Variants in ETS2 observed in about 807,000 individuals in gnomAD.
ETS2 encodes ETS proto-oncogene 2, transcription factor.
In ETS2, 19 loss-of-function variants were observed where a neutral mutation model predicts 54.9. The ratio of observed to expected loss-of-function variants is 0.35; its 90% CI spans 0.24 to 0.51. The LOEUF (loss-of-function observed/expected upper bound fraction) is 0.51. Among genes scored for constraint, ETS2 ranks in the 20% least tolerant of loss-of-function variants. ETS2 has a pLI of 0.97. For synonymous variants in ETS2, 219 were observed against 229.3 expected (o/e 0.95, Z 0.41); for missense variants, 417 against 593.0 (o/e 0.70, Z 3.08).
intron 6 of ETS2, among the ~76,000 whole-genome samples, chr21:38,817,862 C>T (rs1249672117): frequency 6.6e-6 from 1 of 152,198 alleles, no homozygotes; most frequent in Non-Finnish European, 1.5e-5. Context: ...CTGGGGGCTT[C>T]CTGCTCAGGA....
Position 38,814,715 on chromosome 21 carries a change from C to A in ETS2, c.305-66C>A. On this transcript the variant is annotated intron_variant, in intron 4 of 9. Transcript: ENST00000360938. This position sits in a 1 kb window ranked among gnomAD's most constrained non-coding sequence, Gnocchi z 4.2. ...TACTTGGTGCATAAATTAGGGATGA[C>A]AGTGGTCTCACTACCTTTCCACTGT... The A allele has an allele frequency of 1.4e-6, 2 of 1,396,290 alleles. No individual in the cohort carries two copies. The highest frequency in any genetic ancestry group is 2.0e-6 in the Non-Finnish European group (2 of 988,866). The allele number at this position is 1,396,290 out of a possible 1,614,324, so 86.5% of individuals were successfully genotyped here. A position where few individuals can be genotyped will look rare whatever the true frequency, so the allele number is the denominator to read the frequency against.
chr21:38,820,259 T>C (rs892359328), intron 8 of ETS2, among the ~76,000 whole-genome samples: 3 of 152,246 alleles, frequency 2.0e-5, no homozygotes, highest in African/African-American at 7.2e-5. Context: ...AAACAGGTAT[T>C]TCCAGTACTT....
chr21:38,805,694 C>T (rs1397076037), upstream of ETS2: 3 of 1,138,194 alleles, frequency 2.6e-6, no homozygotes, highest in Non-Finnish European at 1.1e-6. This position sits in a 1 kb window ranked among gnomAD's most constrained non-coding sequence, Gnocchi z 5.2. Flanking sequence ...TCGTGCGTTC[C>T]CTCTCCTCTC....
At position 38,821,723 on chromosome 21, in the gene ETS2, G is replaced by A. The variant is rs747263595; in HGVS notation, c.1194+19G>A. On this transcript the variant is annotated intron_variant, in intron 9 of 9. Transcript: ENST00000360938. The surrounding 1 kb of genome is among the most constrained non-coding windows in gnomAD (Gnocchi z 4.2). Reference sequence around the variant, plus strand: ...CGATGAGGTATGGCCAGAGCCCTGGGAAATCTCTGGGCTTGAAAACCTGAT... The same window carrying A: ...CGATGAGGTATGGCCAGAGCCCTGGAAAATCTCTGGGCTTGAAAACCTGAT... 2.6e-6 allele frequency: 4 copies of A among 1,554,164 alleles called. No homozygotes were observed. The Middle Eastern group carries it at 5.2e-4, about 201-fold the overall frequency.
chr21:38,808,842 G>C (rs1268153284), intron 1 of ETS2, among the ~76,000 whole-genome samples: 1 of 152,222 alleles, frequency 6.6e-6, no homozygotes, highest in African/African-American at 2.4e-5. Context: ...GCTAGGCTTA[G>C]AGCTTTGCCA....
Position 38,810,031 on chromosome 21 carries a change from T to C in ETS2, c.1-4T>C. ...TCTTTGACTTTTTTTTTTTCTTTTT[T>C]AAGATGAATGATTTCGGAATCAAGA... On this transcript the variant is annotated splice_region_variant and splice_polypyrimidine_tract_variant and intron_variant, in intron 1 of 9. Transcript: ENST00000360938. 1 of 1,566,442 alleles carries C rather than the reference T, an allele frequency of 6.4e-7. No individual in the cohort carries two copies. Among genetic ancestry groups the C allele is most frequent in the Non-Finnish European group, 8.6e-7 (1 of 1,161,684 alleles).
rs1056458103 is a variant in ETS2 at position 38,814,687 on chromosome 21, C to T, written c.305-94C>T. On this transcript the variant is annotated intron_variant, in intron 4 of 9. Coordinates refer to ENST00000360938, the MANE Select transcript of ETS2 (RefSeq NM_005239.6). This position sits in a 1 kb window ranked among gnomAD's most constrained non-coding sequence, Gnocchi z 4.2. ...CTCATTCGTGGGTTCTGGTGTATGTCGGTACTTGGTGCATAAATTAGGGAT... is the reference window on the plus strand; with the variant it reads ...CTCATTCGTGGGTTCTGGTGTATGTTGGTACTTGGTGCATAAATTAGGGAT... The T allele has an allele frequency of 8.2e-5, 94 of 1,141,384 alleles. No individual in the cohort carries two copies. Among genetic ancestry groups the T allele is most frequent in the South Asian group, 7.1e-4 (52 of 73,372 alleles). 70.7% of individuals were successfully genotyped at this position (1,141,384 alleles called of 1,614,324 possible).
At chr21:38,812,465 C>T (rs1467924092) in intron 2 of ETS2, among the ~76,000 whole-genome samples, 2 of 152,172 alleles carry the variant, frequency 1.3e-5, no homozygotes, top group African/African-American at 4.8e-5. Flanking sequence ...CCAGTCACTC[C>T]GACTCTGTGA....
chr21:38,813,037 T>C lies in ETS2; in HGVS notation c.107T>C (p.Leu36Pro), dbSNP rs1466435861. The change falls in exon 3 of 10, where the codon CTG (leucine) becomes CCG (proline). Residue 36 changes from leucine (L) to proline (P), a missense_variant. By Grantham distance (98) the Leu-to-Pro change is moderately conservative (BLOSUM62 -3). This residue lies in a region of ETS2 where 326 missense variants were observed against 426.1 expected (regional missense o/e 0.76). Coordinates refer to ENST00000360938, the MANE Select transcript of ETS2 (RefSeq NM_005239.6). ...QPAFDTFDGS[L>P]FAVFPSLNEE... ...GCCTTTGACACCTTTGATGGGTCCC[T>C]GTTTGCTGTTTTTCCTTCTCTAAAT... 1.2e-6 allele frequency: 2 copies of C among 1,614,214 alleles called. No individual in the cohort carries two copies. Among genetic ancestry groups the C allele is most frequent in the African/African-American group, 1.3e-5 (1 of 75,070 alleles).
chr21:38,810,914 T>G lies in ETS2; in HGVS notation c.72+808T>G, dbSNP rs1601425566. Among the ~76,000 whole-genome samples the G allele has an allele frequency of 2.0e-5, 3 of 152,348 alleles. No individual in the cohort carries two copies. The South Asian group carries it at 6.2e-4, about 32-fold the overall frequency. ...CTGATATGACCCAAAGAGGCAAAAC[T>G]CAGCACAGTCCTTTCTGCAGTATTC... On this transcript the variant is annotated intron_variant, in intron 2 of 9. Transcript: ENST00000360938.
At chr21:38,815,939 G>A (rs1288291942) in intron 5 of ETS2, among the ~76,000 whole-genome samples, 1 of 52 alleles carries the variant, frequency 0.019, no homozygotes, top group African/African-American at 0.045. Flanking sequence ...CTGTTGAAAG[G>A]AAGGAAGGAA....
rs1466253377 is a variant in ETS2, at chr21:38,806,863, A to T, written c.-1+743A>T. ...GGTTGCGTGTGTGTTATCCTATTTT[A>T]TTTTTTACGGCAGGAGACCTTTTAT... On this transcript the variant is annotated intron_variant, in intron 1 of 9. Coordinates refer to ENST00000360938, the MANE Select transcript of ETS2 (RefSeq NM_005239.6). This position sits in a 1 kb window ranked among gnomAD's most constrained non-coding sequence, Gnocchi z 4.3. 5.1e-6 allele frequency: 5 copies of T among 984,246 alleles called. No homozygotes were observed. Among genetic ancestry groups the T allele is most frequent in the African/African-American group, 1.8e-5 (1 of 57,138 alleles). The allele number at this position is 984,246 out of a possible 1,614,324, so 61.0% of individuals were successfully genotyped here. A position where few individuals can be genotyped will look rare whatever the true frequency, so the allele number is the denominator to read the frequency against.
At chr21:38,805,653 C>A (rs1392852895), upstream of ETS2, 1 of 1,201,008 alleles carries the variant, frequency 8.3e-7, no homozygotes, top group South Asian at 1.5e-5. The surrounding 1 kb of genome is among the most constrained non-coding windows in gnomAD (Gnocchi z 5.2). Flanking sequence ...CCCGCGCTCC[C>A]TCGCCGCCTC....
upstream of ETS2, chr21:38,805,924 G>T (rs1006361211): frequency 1.5e-5 from 19 of 1,250,252 alleles, no homozygotes; most frequent in Admixed American, 2.7e-5. This position sits in a 1 kb window ranked among gnomAD's most constrained non-coding sequence, Gnocchi z 5.2. Context: ...CGTGGGGGAC[G>T]GCCCGGTTAC....
upstream of ETS2, chr21:38,805,876 C>T (rs2060889991): frequency 2.5e-6 from 3 of 1,203,276 alleles, no homozygotes; most frequent in South Asian, 1.4e-5. This position sits in a 1 kb window ranked among gnomAD's most constrained non-coding sequence, Gnocchi z 5.2. Context: ...CTTCCTCCTC[C>T]CTCCTCCCTC....
Position 38,814,506 on chromosome 21 carries a change from A to G in ETS2, c.304+114A>G, listed in dbSNP as rs2060925402. The stretch of plus-strand genomic sequence containing the variant: ...CTTGGGGTATTCTGCAAAGAGTAGC[A>G]TGGATGTCGTTAACCTGAGCCAGTT... On this transcript the variant is annotated intron_variant, in intron 4 of 9. Coordinates refer to ENST00000360938, the MANE Select transcript of ETS2 (RefSeq NM_005239.6). This position sits in a 1 kb window ranked among gnomAD's most constrained non-coding sequence, Gnocchi z 4.2. 7.5e-7 allele frequency: 1 copy of G among 1,331,076 alleles called. No individual in the cohort carries two copies. Among genetic ancestry groups the G allele is most frequent in the East Asian group, 2.3e-5 (1 of 42,818 alleles). 82.5% of individuals were successfully genotyped at this position (1,331,076 alleles called of 1,614,324 possible). A position where few individuals can be genotyped will look rare whatever the true frequency, so the allele number is the denominator to read the frequency against.
chr21:38,810,410 G>A (rs557078771), intron 2 of ETS2, among the ~76,000 whole-genome samples: 2 of 152,310 alleles, frequency 1.3e-5, no homozygotes, highest in Non-Finnish European at 2.9e-5. Flanking sequence ...TGGAGAGGCT[G>A]TCTCTACTGC....
chr21:38,817,237 T>C (rs1447209150), intron 6 of ETS2, 146 bp downstream of exon 6: 6 of 574,984 alleles, frequency 1.0e-5, no homozygotes, highest in South Asian at 2.5e-5. Context: ...CTATAAGCCA[T>C]TGAAATGTGA....
At chr21:38,812,215 AT>A (rs3216358) in intron 2 of ETS2, among the ~76,000 whole-genome samples, 25,481 of 152,088 alleles carry the variant, frequency 0.17, 3,031 homozygotes, top group African/African-American at 0.33. Context: ...TCATTGTTTG[AT>A]TTTTCAGTGT....
Sources: allele counts gnomAD v4.1 joint callset (sites outside exome capture counted in the v4.1 genomes callset), GRCh38; gene constraint gnomAD v4.1.1; regional missense constraint gnomAD v4.1.1; non-coding constraint Gnocchi (gnomAD v3.1); transcripts MANE v1.5; gene names NCBI Gene and HGNC (gene_info 2026-07-23, HGNC 2026-07-21).